Variants in CLNK observed in about 807,000 individuals in gnomAD.
CLNK encodes cytokine-dependent hematopoietic cell linker.
CLNK carries 74 observed loss-of-function variants against 68.6 expected under a neutral mutation model. The observed-to-expected ratio is 1.08, with a 90% CI of 0.89 to 1.31. CLNK has a LOEUF of 1.31. Ranked by LOEUF, CLNK falls within the 50% of genes most tolerant of loss-of-function variation. The pLI is 0.00. For synonymous variants in CLNK, 198 were observed against 172.2 expected, an observed-to-expected ratio of 1.15 and a Z score of -1.17; for missense variants, 553 against 515.3, an observed-to-expected ratio of 1.07 and a Z score of -0.71.
At chr4:10,645,105 A>G (rs1723458921) in intron 2 of CLNK, among the ~76,000 whole-genome samples, 1 of 152,204 alleles carries the variant, frequency 6.6e-6, no homozygotes, top group South Asian at 2.1e-4. Context: ...AATAGTGAAA[A>G]TAAATACTTA....
chr4:10,594,664 G>A (rs1157250288), intron 3 of CLNK, among the ~76,000 whole-genome samples: 2 of 152,220 alleles, frequency 1.3e-5, no homozygotes, highest in Non-Finnish European at 2.9e-5. Flanking sequence ...CTTCCTCATG[G>A]TGGGGAAACT....
chr4:10,574,450 A>G (rs1577139652), intron 4 of CLNK, among the ~76,000 whole-genome samples: 1 of 152,096 alleles, frequency 6.6e-6, no homozygotes, highest in East Asian at 1.9e-4. Context: ...TATCTCATCC[A>G]ATCAGGGCCC....
chr4:10,725,521 A>T, the CLNK span, among the ~76,000 whole-genome samples: 17 of 151,996 alleles, frequency 1.1e-4, no homozygotes, highest in African/African-American at 4.1e-4. Flanking sequence ...CCATAAATCC[A>T]AGCTGTAGAA....
intron 4 of CLNK, among the ~76,000 whole-genome samples, chr4:10,575,469 AGC>A (rs1211881370): frequency 8.5e-5 from 13 of 152,378 alleles, no homozygotes; most frequent in African/African-American, 2.4e-4. Flanking sequence ...AAAATTAAAG[AGC>A]GCCTCTCCAG....
chr4:10,541,211 C>CA lies in CLNK; in HGVS notation c.492-608dup, dbSNP rs762227935. On this transcript the variant is annotated intron_variant, in intron 10 of 18. Coordinates refer to ENST00000226951, the MANE Select transcript of CLNK (RefSeq NM_052964.4). ...CCTGGGCGACAGAGCCAGACTGTCT[C>CA]AAAAAAAAAACAAAAAAAAAAAAAC... 9.1e-4 allele frequency among the ~76,000 whole-genome samples: 43 copies of CA among 47,496 alleles called. 1 individual carries two copies. The highest frequency in any genetic ancestry group is 1.7e-3 in the Admixed American group (7 of 4,198). The allele number at this position is 47,496 out of a possible 152,430, so 31.2% of individuals were successfully genotyped here.
At chr4:10,501,180 A>G in intron 18 of CLNK, 76 bp downstream of exon 18, 1 of 1,430,596 alleles carries the variant, frequency 7.0e-7, no homozygotes, top group Non-Finnish European at 9.3e-7. Context: ...CTCTTCCTCC[A>G]GGGTGACATC....
the CLNK span, among the ~76,000 whole-genome samples, chr4:10,726,118 C>T: frequency 1.4e-4 from 22 of 152,200 alleles, no homozygotes; most frequent in Admixed American, 1.2e-3. Flanking sequence ...TTTGATATCC[C>T]GTGGCTTCTG....
chr4:10,658,581 G>T (rs1394375063), intron 2 of CLNK, among the ~76,000 whole-genome samples: 2 of 152,122 alleles, frequency 1.3e-5, no homozygotes, highest in Non-Finnish European at 2.9e-5. Context: ...GGTGCCTAGT[G>T]CCCCAGCCTC....
chr4:10,712,739 T>C, the CLNK span, among the ~76,000 whole-genome samples: 1 of 152,194 alleles, frequency 6.6e-6, no homozygotes, highest in Non-Finnish European at 1.5e-5. Context: ...ACAAAATTTA[T>C]AACTACCCCA....
chr4:10,694,706 C>T, the CLNK span, among the ~76,000 whole-genome samples: 1 of 152,106 alleles, frequency 6.6e-6, no homozygotes, highest in Non-Finnish European at 1.5e-5. Flanking sequence ...ACCCGAGTCA[C>T]TTAGTGACTC....
At chr4:10,587,738 G>A (rs1247677611) in intron 3 of CLNK, among the ~76,000 whole-genome samples, 2 of 152,080 alleles carry the variant, frequency 1.3e-5, no homozygotes, top group Non-Finnish European at 1.5e-5. Flanking sequence ...GTATTCAGAG[G>A]GCTCTACAAC....
At chr4:10,727,806 A>C in the CLNK span, among the ~76,000 whole-genome samples, 2 of 152,224 alleles carry the variant, frequency 1.3e-5, no homozygotes, top group Non-Finnish European at 2.9e-5. Flanking sequence ...ATAAACTAGA[A>C]CAGTGGTTCC....
chr4:10,656,257 T>C (rs1273978648), intron 2 of CLNK, among the ~76,000 whole-genome samples: 2 of 129,594 alleles, frequency 1.5e-5, no homozygotes, highest in Non-Finnish European at 3.2e-5. Flanking sequence ...ACAACTCAAG[T>C]CACAAAATGA....
intron 2 of CLNK, among the ~76,000 whole-genome samples, chr4:10,666,117 C>G (rs1724388035): frequency 6.6e-6 from 1 of 152,152 alleles, no homozygotes; most frequent in Non-Finnish European, 1.5e-5. Context: ...AAGCCAGGAG[C>G]CTCTGGGAGC....
the CLNK span, among the ~76,000 whole-genome samples, chr4:10,701,372 T>C: frequency 6.6e-6 from 1 of 152,224 alleles, no homozygotes; most frequent in South Asian, 2.1e-4. Context: ...TTTATCAGAC[T>C]GTGTGTGCGA....
intron 2 of CLNK, among the ~76,000 whole-genome samples, chr4:10,651,138 G>A (rs928427243): frequency 5.3e-5 from 8 of 152,278 alleles, no homozygotes; most frequent in African/African-American, 1.2e-4. Flanking sequence ...AAGACAGTAC[G>A]GCAATTCCTC....
chr4:10,607,165 T>G (rs981534918), intron 2 of CLNK, among the ~76,000 whole-genome samples: 1 of 152,190 alleles, frequency 6.6e-6, no homozygotes, highest in Non-Finnish European at 1.5e-5. Flanking sequence ...GGGGAAAAGG[T>G]GCATCCATAG....
chr4:10,613,929 T>C (rs371170204), intron 2 of CLNK, among the ~76,000 whole-genome samples: 71 of 152,332 alleles, frequency 4.7e-4, no homozygotes, highest in Admixed American at 7.8e-4. Context: ...GAGAATGTGC[T>C]TAAGATTCCA....
intron 2 of CLNK, among the ~76,000 whole-genome samples, chr4:10,663,032 G>A (rs113801635): frequency 3.3e-5 from 5 of 152,308 alleles, no homozygotes; most frequent in African/African-American, 9.6e-5. Context: ...TTGGCTTACT[G>A]GAAAGAGCCC....
Sources: gnomAD v4.1 joint callset for allele counts (sites outside exome capture counted in the v4.1 genomes callset) on GRCh38, gnomAD v4.1.1 for gene constraint, MANE v1.5 for transcripts, NCBI Gene and HGNC (gene_info 2026-07-23, HGNC 2026-07-21) for gene names.